KLF8: variants seen among roughly 807,000 people sequenced by gnomAD.
KLF8 encodes Krueppel-like factor 8.
KLF8 carries 10 observed loss-of-function variants against 18.2 expected under a neutral mutation model. The observed-to-expected ratio is 0.55, with a 90% CI of 0.34 to 0.93. The LOEUF (loss-of-function observed/expected upper bound fraction) is 0.93, where lower values mean the gene tolerates loss of function less well. Among genes scored for constraint, KLF8 ranks in the 40% least tolerant of loss-of-function variants. The probability of loss-of-function intolerance (pLI) is 0.02; values close to 1 mark genes in which losing one functional copy is unlikely to be tolerated. For missense variants in KLF8, 264 were observed against 277.9 expected (o/e 0.95, Z 0.36); for synonymous variants, 109 against 97.3 (o/e 1.12, Z -0.71).
chrX:56,037,807 T>C, the KLF8 span, among the ~76,000 whole-genome samples: 1 of 112,036 alleles, frequency 8.9e-6, no homozygotes, highest in African/African-American at 3.2e-5. Context: ...TTATCCATTG[T>C]GATACAAAAA....
the KLF8 span, among the ~76,000 whole-genome samples, chrX:55,919,375 G>T: frequency 7.2e-5 from 8 of 111,726 alleles, 1 homozygote; most frequent in Middle Eastern, 0.019. Context: ...AAAATCCAGA[G>T]ATCCTTTGAA....
chrX:56,185,517 C>A, the KLF8 span, among the ~76,000 whole-genome samples: 6 of 111,171 alleles, frequency 5.4e-5, no homozygotes, highest in South Asian at 2.3e-3. Flanking sequence ...TCAGGAAATA[C>A]AGAGAACACC....
the KLF8 span, among the ~76,000 whole-genome samples, chrX:56,148,727 G>A: frequency 8.9e-6 from 1 of 111,796 alleles, no homozygotes. Context: ...AAGAGGGCAT[G>A]TGCAGGGGAA....
chrX:56,192,209 G>A, the KLF8 span, among the ~76,000 whole-genome samples: 97 of 111,441 alleles, frequency 8.7e-4, no homozygotes, highest in African/African-American at 3.1e-3. Flanking sequence ...AATCAAGAAA[G>A]CAATTCCATT....
At chrX:56,064,726 C>T in the KLF8 span, among the ~76,000 whole-genome samples, 1 of 111,242 alleles carries the variant, frequency 9.0e-6, no homozygotes, top group South Asian at 3.7e-4. Flanking sequence ...ATAATGGTGG[C>T]TATTGTCCTT....
the KLF8 span, among the ~76,000 whole-genome samples, chrX:56,157,601 A>G: frequency 9.0e-6 from 1 of 111,278 alleles, no homozygotes; most frequent in South Asian, 3.8e-4. Context: ...GTGAGATGGT[A>G]TCTCATTGTG....
rs763948924 is a variant in KLF8 at position 56,288,225 on chromosome X, C to T, written c.*3731C>T. Among the ~76,000 whole-genome samples, 13 of 108,717 alleles carry T rather than the reference C, an allele frequency of 1.2e-4. No homozygotes were observed. The highest frequency in any genetic ancestry group is 2.0e-4 in the African/African-American group (6 of 29,395). 94.4% of individuals were successfully genotyped at this position (108,717 alleles called of 115,157 possible). Reference sequence around the variant, plus strand: ...CTTCACTCCAGCCTGGGTGACAGAGCGACACACTTGATCTCAAAAAAAAAA... The same window carrying T: ...CTTCACTCCAGCCTGGGTGACAGAGTGACACACTTGATCTCAAAAAAAAAA... On this transcript the variant is annotated 3_prime_UTR_variant, in exon 6 of 6. Coordinates refer to ENST00000468660, the MANE Select transcript of KLF8 (RefSeq NM_007250.5).
the KLF8 span, among the ~76,000 whole-genome samples, chrX:56,198,760 A>T: frequency 8.9e-6 from 1 of 112,070 alleles, no homozygotes; most frequent in Non-Finnish European, 1.9e-5. Flanking sequence ...ATATGAAATG[A>T]AAAAAGAGCC....
At chrX:56,186,523 G>T in the KLF8 span, among the ~76,000 whole-genome samples, 1 of 111,234 alleles carries the variant, frequency 9.0e-6, no homozygotes, top group Non-Finnish European at 1.9e-5. Context: ...GCACCAAGCG[G>T]ACCTAATAGA....
chrX:56,279,363 G>T (rs1207295076), intron 5 of KLF8, among the ~76,000 whole-genome samples: 1 of 111,459 alleles, frequency 9.0e-6, no homozygotes, highest in Non-Finnish European at 1.9e-5. Flanking sequence ...TTTGTTACAT[G>T]GATATGATAC....
chrX:56,080,537 TC>T, the KLF8 span, among the ~76,000 whole-genome samples: 1 of 111,696 alleles, frequency 9.0e-6, no homozygotes, highest in Non-Finnish European at 1.9e-5. Flanking sequence ...CTGATGGGCT[TC>T]CCTTTGAGGG....
chrX:56,137,250 A>C, the KLF8 span, among the ~76,000 whole-genome samples: 2 of 109,370 alleles, frequency 1.8e-5, no homozygotes, highest in African/African-American at 6.7e-5. Flanking sequence ...CCATCCCATT[A>C]CTGGGTATAT....
chrX:56,119,149 G>T, the KLF8 span, among the ~76,000 whole-genome samples: 3,093 of 111,690 alleles, frequency 0.028, 123 homozygotes, highest in African/African-American at 0.095. Flanking sequence ...AGAAGGAAGA[G>T]AAGTTAAAGA....
chrX:56,270,355 C>CACACAT, intron 5 of KLF8, 34 bp downstream of exon 5: 1 of 969,911 alleles, frequency 1.0e-6, no homozygotes. Context: ...CCAACACACA[C>CACACAT]ACACACACAC....
chrX:56,229,687 T>A (rs1481692253), upstream of KLF8, among the ~76,000 whole-genome samples: 1 of 111,669 alleles, frequency 9.0e-6, no homozygotes. Flanking sequence ...GGGTCCTAAT[T>A]TGAGTGAGAC....
the KLF8 span, among the ~76,000 whole-genome samples, chrX:56,113,838 G>C: frequency 9.0e-6 from 1 of 110,800 alleles, no homozygotes; most frequent in Non-Finnish European, 1.9e-5. Flanking sequence ...GTCTCACCCA[G>C]TCACGATGCA....
chrX:56,110,433 A>G, the KLF8 span, among the ~76,000 whole-genome samples: 2 of 111,870 alleles, frequency 1.8e-5, no homozygotes, highest in Non-Finnish European at 3.8e-5. Context: ...CTCTGTTGTT[A>G]AACTGATGAT....
chrX:56,153,599 G>T, the KLF8 span, among the ~76,000 whole-genome samples: 16 of 111,369 alleles, frequency 1.4e-4, no homozygotes, highest in Non-Finnish European at 2.8e-4. Flanking sequence ...GCAGGAGAAA[G>T]AAATAAAGGG....
the KLF8 span, among the ~76,000 whole-genome samples, chrX:55,919,660 G>A: frequency 6.1e-5 from 1 of 16,272 alleles, no homozygotes; most frequent in Non-Finnish European, 1.6e-4. Flanking sequence ...ATAATCCCCC[G>A]GGAATATAAC....
Sources: gnomAD v4.1 joint callset for allele counts (sites outside exome capture counted in the v4.1 genomes callset) on GRCh38, gnomAD v4.1.1 for gene constraint, MANE v1.5 for transcripts, NCBI Gene and HGNC (gene_info 2026-07-23, HGNC 2026-07-21) for gene names.